SCHIP1: variants seen among roughly 807,000 people sequenced by gnomAD.
SCHIP1 encodes schwannomin-interacting protein 1.
Under a neutral mutation model 29.7 loss-of-function variants are expected in SCHIP1, and 8 were observed. That is an observed-to-expected ratio of 0.27 (90% CI 0.16 to 0.49). The LOEUF (loss-of-function observed/expected upper bound fraction) is 0.49, where lower values mean the gene tolerates loss of function less well. SCHIP1 is among the 20% of genes least tolerant of loss of function. The probability of loss-of-function intolerance (pLI) is 0.99; values close to 1 mark genes in which losing one functional copy is unlikely to be tolerated. For missense variants in SCHIP1, 193 were observed against 294.6 expected (o/e 0.66, Z 2.52); for synonymous variants, 76 against 94.9 (o/e 0.80, Z 1.16).
the SCHIP1 span, among the ~76,000 whole-genome samples, chr3:159,665,899 A>C: frequency 3.3e-5 from 5 of 152,138 alleles, no homozygotes; most frequent in African/African-American, 1.2e-4. Flanking sequence ...CAGATGATTG[A>C]TTGCCTGCTC....
At chr3:159,552,516 C>T in the SCHIP1 span, among the ~76,000 whole-genome samples, 7 of 152,138 alleles carry the variant, frequency 4.6e-5, no homozygotes, top group Non-Finnish European at 1.0e-4. Context: ...TGTTCAACTG[C>T]AGTACATTCA....
chr3:159,536,840 G>A, the SCHIP1 span, among the ~76,000 whole-genome samples: 1 of 152,146 alleles, frequency 6.6e-6, no homozygotes, highest in South Asian at 2.1e-4. Flanking sequence ...AAACAAAGGT[G>A]ATAAATGCAT....
At chr3:159,468,754 A>AT in the SCHIP1 span, among the ~76,000 whole-genome samples, 120 of 114,938 alleles carry the variant, frequency 1.0e-3, no homozygotes, top group African/African-American at 3.9e-3. Context: ...AATATATAAT[A>AT]TAATATATAT....
At chr3:159,525,810 A>G in the SCHIP1 span, among the ~76,000 whole-genome samples, 3 of 152,266 alleles carry the variant, frequency 2.0e-5, no homozygotes, top group Non-Finnish European at 4.4e-5. Context: ...ACAATTGGAC[A>G]GCCTGGACAG....
At chr3:159,325,510 T>C in the SCHIP1 span, among the ~76,000 whole-genome samples, 1 of 152,148 alleles carries the variant, frequency 6.6e-6, no homozygotes, top group African/African-American at 2.4e-5. Context: ...GTGGGCATTA[T>C]GAAAGCTGGA....
the SCHIP1 span, among the ~76,000 whole-genome samples, chr3:159,517,787 C>A: frequency 3.3e-5 from 5 of 151,908 alleles, no homozygotes; most frequent in Non-Finnish European, 7.4e-5. Context: ...GATTAACATT[C>A]AGTGAAGCTA....
the SCHIP1 span, among the ~76,000 whole-genome samples, chr3:159,472,234 T>G: frequency 6.6e-6 from 1 of 152,188 alleles, no homozygotes; most frequent in Non-Finnish European, 1.5e-5. Context: ...AACTGTGTTT[T>G]TAAAGAGTTG....
chr3:159,730,032 TG>T, the SCHIP1 span, among the ~76,000 whole-genome samples: 3 of 152,370 alleles, frequency 2.0e-5, no homozygotes, highest in Non-Finnish European at 2.9e-5. Context: ...TCTATCCATA[TG>T]AAATAAATGG....
At chr3:159,501,920 A>G in the SCHIP1 span, among the ~76,000 whole-genome samples, 2 of 152,232 alleles carry the variant, frequency 1.3e-5, no homozygotes, top group Admixed American at 6.5e-5. Flanking sequence ...TGACCTGTTC[A>G]TAGTCATACA....
At chr3:159,597,251 A>T in the SCHIP1 span, among the ~76,000 whole-genome samples, 1 of 152,180 alleles carries the variant, frequency 6.6e-6, no homozygotes, top group Non-Finnish European at 1.5e-5. Context: ...TATGGGGTAC[A>T]TGTGAAATTT....
At chr3:159,712,826 GAGAA>G in the SCHIP1 span, among the ~76,000 whole-genome samples, 641 of 148,718 alleles carry the variant, frequency 4.3e-3, 4 homozygotes, top group Middle Eastern at 0.014. Flanking sequence ...AGAAAGAAGA[GAGAA>G]AGAAAGAAAG....
At chr3:159,887,635 G>A in intron 3 of SCHIP1, 73 bp from the exon 5 acceptor site, 1 of 1,562,250 alleles carries the variant, frequency 6.4e-7, no homozygotes, top group South Asian at 1.1e-5. Flanking sequence ...CTCAGAGGAT[G>A]TTGTAGCCCA....
chr3:159,831,096 C>T, the SCHIP1 span, among the ~76,000 whole-genome samples: 2 of 152,200 alleles, frequency 1.3e-5, no homozygotes, highest in Non-Finnish European at 2.9e-5. Context: ...TCCTCTGTAG[C>T]TTGCCTCTTA....
chr3:159,701,137 G>A, the SCHIP1 span, among the ~76,000 whole-genome samples: 17 of 152,216 alleles, frequency 1.1e-4, no homozygotes, highest in South Asian at 1.2e-3. Context: ...CCAGACTTTC[G>A]AGAATGATCA....
At chr3:159,794,410 T>C in the SCHIP1 span, among the ~76,000 whole-genome samples, 31,310 of 152,220 alleles carry the variant, frequency 0.21, 3,528 homozygotes, top group South Asian at 0.33. Flanking sequence ...GGTCTCATTG[T>C]GCTGAAATGG....
At position 159,892,003 on chromosome 3, in the gene SCHIP1, G is replaced by A. The variant is rs1577504933; in HGVS notation, c.590-94G>A. 15 of 1,323,946 alleles carry A rather than the reference G, an allele frequency of 1.1e-5. No individual in the cohort carries two copies. The East Asian group carries it at 3.3e-4, about 30-fold the overall frequency. 82.0% of individuals were successfully genotyped at this position (1,323,946 alleles called of 1,614,324 possible). A position where few individuals can be genotyped will look rare whatever the true frequency, so the allele number is the denominator to read the frequency against. On this transcript the variant is annotated intron_variant, in intron 5 of 6. Coordinates refer to ENST00000445224, the Ensembl canonical transcript of SCHIP1. ...TACAAAAATATCTTTCCTATTATGG[G>A]TAGCTGTTTGTGTGTATACTGGTTG...
At chr3:159,453,800 A>C in the SCHIP1 span, among the ~76,000 whole-genome samples, 1 of 152,136 alleles carries the variant, frequency 6.6e-6, no homozygotes, top group African/African-American at 2.4e-5. Context: ...AAGTGCTGCT[A>C]TCTTTAAGCT....
the SCHIP1 span, among the ~76,000 whole-genome samples, chr3:159,654,795 C>G: frequency 8.9e-6 from 1 of 111,822 alleles, no homozygotes; most frequent in Non-Finnish European, 1.7e-5. Context: ...TGATCTATGA[C>G]TTTAAGTAAA....
upstream of SCHIP1, among the ~76,000 whole-genome samples, chr3:159,838,846 A>T (rs1560076214): frequency 6.6e-6 from 1 of 150,594 alleles, no homozygotes; most frequent in Non-Finnish European, 1.5e-5. Flanking sequence ...GTGAGCTCAG[A>T]TCTCGCCACT....
Sources: allele counts gnomAD v4.1 joint callset (sites outside exome capture counted in the v4.1 genomes callset), GRCh38; gene constraint gnomAD v4.1.1; transcripts MANE v1.5; gene names NCBI Gene and HGNC (gene_info 2026-07-23, HGNC 2026-07-21).